The following JMJD1C variants were observed in gnomAD, a reference collection of about 807,000 sequenced individuals.
JMJD1C encodes the protein jumonji domain containing 1C, also known as jumonji domain-containing protein 1C.
JMJD1C carries 31 observed loss-of-function variants against 245.3 expected under a neutral mutation model. The observed-to-expected ratio is 0.13, with a 90% CI of 0.09 to 0.17. The LOEUF (loss-of-function observed/expected upper bound fraction) is 0.17. Among genes scored for constraint, JMJD1C ranks in the 10% least tolerant of loss-of-function variants. The pLI, the probability that JMJD1C is intolerant of heterozygous loss-of-function variation, is 1.00. For synonymous variants in JMJD1C, 1,057 were observed against 1,017.4 expected, an observed-to-expected ratio of 1.04 and a Z score of -0.74; for missense variants, 2,691 against 3,000.2, an observed-to-expected ratio of 0.90 and a Z score of 2.41.
At chr10:63,196,290 T>C (rs1401692576) in intron 13 of JMJD1C, among the ~76,000 whole-genome samples, 1 of 151,528 alleles carries the variant, frequency 6.6e-6, no homozygotes, top group Non-Finnish European at 1.5e-5. Flanking sequence ...AGAAAGAAAA[T>C]CATCAACAAT....
chr10:63,275,957 T>G (rs1182857845), intron 2 of JMJD1C, among the ~76,000 whole-genome samples: 1 of 152,242 alleles, frequency 6.6e-6, no homozygotes, highest in East Asian at 1.9e-4. Flanking sequence ...CATGAGTTTA[T>G]TAAAGCATTA....
chr10:63,427,279 C>T, intron 1 of JMJD1C: 2 of 328,388 alleles, frequency 6.1e-6, no homozygotes, highest in South Asian at 3.8e-5. Flanking sequence ...AACTCTGGAG[C>T]CCACTCCAGC....
Position 63,167,953 on chromosome 10 carries a change from T to G in JMJD1C, c.*92A>C, listed in dbSNP as rs1313988980. ...AGAGAATTTCTTGGCACTGATGGTT[T>G]TATGAAGCTTAAAGTCAGTGTGCAT... On this transcript the variant is annotated 3_prime_UTR_variant, in exon 26 of 26. Transcript: ENST00000399262. 1.2e-5 allele frequency: 9 copies of G among 776,604 alleles called. No individual in the cohort carries two copies. In the Admixed American group the frequency reaches 1.8e-4, roughly 15 times the overall value. The allele number at this position is 776,604 out of a possible 1,614,324, so 48.1% of individuals were successfully genotyped here.
chr10:63,274,329 C>A (rs986767349), intron 2 of JMJD1C, among the ~76,000 whole-genome samples: 1 of 152,162 alleles, frequency 6.6e-6, no homozygotes, highest in African/African-American at 2.4e-5. Flanking sequence ...CTCTGGGAGG[C>A]GGAGGCAGGT....
intron 3 of JMJD1C, among the ~76,000 whole-genome samples, chr10:63,250,701 A>C (rs1852935391): frequency 6.6e-6 from 1 of 152,140 alleles, no homozygotes; most frequent in Non-Finnish European, 1.5e-5. Flanking sequence ...AACAGTTAGA[A>C]ACTCATCCTT....
chr10:63,472,183 CTA>C (rs1354874840), intron 1 of JMJD1C, among the ~76,000 whole-genome samples: 3 of 151,644 alleles, frequency 2.0e-5, no homozygotes, highest in Non-Finnish European at 4.4e-5. Context: ...GATAAAAATC[CTA>C]TCTCAACTAT....
chr10:63,415,197 T>C (rs1377682849), intron 1 of JMJD1C, among the ~76,000 whole-genome samples: 2 of 152,150 alleles, frequency 1.3e-5, no homozygotes, highest in African/African-American at 4.8e-5. Flanking sequence ...ACTTTACTAT[T>C]AATATATAAT....
At chr10:63,293,200 C>T (rs985531137) in intron 2 of JMJD1C, among the ~76,000 whole-genome samples, 2 of 152,180 alleles carry the variant, frequency 1.3e-5, no homozygotes, top group South Asian at 2.1e-4. Flanking sequence ...ATGACTTCCT[C>T]GACCTTTTCT....
At chr10:63,189,064 C>A in intron 18 of JMJD1C, 104 bp downstream of exon 18, 1 of 917,272 alleles carries the variant, frequency 1.1e-6, no homozygotes, top group South Asian at 2.3e-5. Context: ...AATGTGTTAA[C>A]CACTATTTTT....
chr10:63,263,839 G>A (rs1432868689), intron 3 of JMJD1C, among the ~76,000 whole-genome samples: 2 of 151,694 alleles, frequency 1.3e-5, no homozygotes, highest in Non-Finnish European at 2.9e-5. Flanking sequence ...GGCTGAGGCA[G>A]GAGCATTGCT....
At chr10:63,331,898 A>ACATGAGCCACAG (rs2134170327) in intron 2 of JMJD1C, among the ~76,000 whole-genome samples, 1 of 152,254 alleles carries the variant, frequency 6.6e-6, no homozygotes, top group African/African-American at 2.4e-5. Flanking sequence ...GGGATTACAT[A>ACATGAGCCACAG]CATGAGCCAC....
intron 1 of JMJD1C, among the ~76,000 whole-genome samples, chr10:63,500,170 C>G (rs1954500341): frequency 6.6e-6 from 1 of 152,152 alleles, no homozygotes; most frequent in African/African-American, 2.4e-5. Flanking sequence ...GCCTATAATC[C>G]CAGCACTGTG....
At chr10:63,392,347 G>A (rs1036335055) in intron 1 of JMJD1C, among the ~76,000 whole-genome samples, 2 of 152,056 alleles carry the variant, frequency 1.3e-5, no homozygotes, top group African/African-American at 4.8e-5. Context: ...CTCCAGAGGC[G>A]ATATAAATAA....
At chr10:63,409,801 T>C (rs1819372422) in intron 1 of JMJD1C, among the ~76,000 whole-genome samples, 1 of 152,152 alleles carries the variant, frequency 6.6e-6, no homozygotes, top group Non-Finnish European at 1.5e-5. Flanking sequence ...CATAGATGCC[T>C]GAGGTCTTTT....
chr10:63,256,370 T>G (rs1853929048), intron 3 of JMJD1C, among the ~76,000 whole-genome samples: 1 of 152,164 alleles, frequency 6.6e-6, no homozygotes, highest in African/African-American at 2.4e-5. Context: ...TTTTTGAAAT[T>G]ATAGCTATAT....
intron 2 of JMJD1C, among the ~76,000 whole-genome samples, chr10:63,352,609 G>A (rs1007086618): frequency 1.4e-5 from 2 of 139,060 alleles, no homozygotes; most frequent in Admixed American, 1.6e-4. Flanking sequence ...CTGCACTCCA[G>A]CTTGGGTGAT....
At chr10:63,507,284 T>C (rs1954747300) in intron 1 of JMJD1C, among the ~76,000 whole-genome samples, 1 of 152,118 alleles carries the variant, frequency 6.6e-6, no homozygotes, top group Non-Finnish European at 1.5e-5. Flanking sequence ...CGGAGAAGCA[T>C]GATTGCTGGG....
intron 2 of JMJD1C, among the ~76,000 whole-genome samples, chr10:63,344,144 A>C (rs1040090183): frequency 2.0e-5 from 3 of 151,992 alleles, no homozygotes; most frequent in Non-Finnish European, 4.4e-5. Flanking sequence ...TTCTCTTCCC[A>C]CTCATTCACT....
chr10:63,445,844 A>G (rs1334011114), intron 1 of JMJD1C, among the ~76,000 whole-genome samples: 1 of 149,188 alleles, frequency 6.7e-6, no homozygotes, highest in African/African-American at 2.5e-5. Context: ...AGAAAAAATG[A>G]CATGTGCTGG....
Sources: gnomAD v4.1 joint callset for allele counts (sites outside exome capture counted in the v4.1 genomes callset) on GRCh38, gnomAD v4.1.1 for gene constraint, MANE v1.5 for transcripts, NCBI Gene and HGNC (gene_info 2026-07-23, HGNC 2026-07-21) for gene names.